The following CACNA1I variants were observed in gnomAD, a reference collection of about 807,000 sequenced individuals.
CACNA1I encodes voltage-dependent T-type calcium channel subunit alpha-1I.
In CACNA1I, 74 loss-of-function variants were observed where a neutral mutation model predicts 201.6. That is an observed-to-expected ratio of 0.37 (90% confidence interval 0.30 to 0.45). The LOEUF (loss-of-function observed/expected upper bound fraction) is 0.45, where lower values mean the gene tolerates loss of function less well. Among genes scored for constraint, CACNA1I ranks in the 20% least tolerant of loss-of-function variants. The pLI is 1.00. For missense variants in CACNA1I, 2,346 were observed against 3,138.1 expected (o/e 0.75, Z 6.03); for synonymous variants, 1,431 against 1,345.2 (o/e 1.06, Z -1.40).
chr22:39,674,572 G>A lies in CACNA1I; in HGVS notation c.4854+539G>A, dbSNP rs114462987. On this transcript the variant is annotated intron_variant, in intron 29 of 36. Transcript: ENST00000402142. Reference sequence around the variant, plus strand: ...AGAAGTTAGGGAAGTTGCTCTACCCGCACCCTGCGGTTAGTGAAAGGGGAG... The same window carrying A: ...AGAAGTTAGGGAAGTTGCTCTACCCACACCCTGCGGTTAGTGAAAGGGGAG... Among the ~76,000 whole-genome samples the A allele has an allele frequency of 4.0e-3, 606 of 152,270 alleles. 7 individuals are homozygous for A. The highest frequency in any genetic ancestry group is 0.014 in the African/African-American group (581 of 41,532).
intron 4 of CACNA1I, among the ~76,000 whole-genome samples, chr22:39,626,030 G>C (rs1042769541): frequency 1.3e-5 from 2 of 152,186 alleles, no homozygotes; most frequent in African/African-American, 4.8e-5. Context: ...AGACCCTGGG[G>C]AGCTCAGGGG....
intron 11 of CACNA1I, 99 bp from the exon 12 acceptor site, chr22:39,658,832 C>G: frequency 9.9e-7 from 1 of 1,010,954 alleles, no homozygotes; most frequent in African/African-American, 1.6e-5. Flanking sequence ...AATGGAAGCT[C>G]TGTCTCTCTG....
chr22:39,661,724 G>A (rs1464706738), intron 16 of CACNA1I, among the ~76,000 whole-genome samples: 26 of 152,240 alleles, frequency 1.7e-4, no homozygotes, highest in Admixed American at 1.6e-3. Context: ...CCTTCCTCAA[G>A]GGAAGTGAGG....
At chr22:39,585,835 G>C (rs1010714414) in intron 1 of CACNA1I, among the ~76,000 whole-genome samples, 1 of 150,806 alleles carries the variant, frequency 6.6e-6, no homozygotes, top group African/African-American at 2.4e-5. Context: ...AGTAGCTGGG[G>C]CTATAGTGCA....
At position 39,640,930 on chromosome 22, in the gene CACNA1I, C is replaced by T; in HGVS notation, c.804C>T (p.Ile268=). 6.2e-7 allele frequency: 1 copy of T among 1,613,988 alleles called. No individual in the cohort carries two copies. Among genetic ancestry groups the T allele is most frequent in the Non-Finnish European group, 8.5e-7 (1 of 1,179,892 alleles). ...AGGAGGATGATGAGATGCCCTTCAT[C>T]TGCTCCCTGTCGGGCGACAATGGGA... The part of the protein sequence containing the change: ...QPEEDDEMPF[I]CSLSGDNGIM... The change falls in exon 6 of 37, where the codon ATC becomes ATT. Residue 268 remains isoleucine, a synonymous_variant. Transcript: ENST00000402142.
At chr22:39,673,515 C>T (rs1346422526) in intron 28 of CACNA1I, among the ~76,000 whole-genome samples, 2 of 152,210 alleles carry the variant, frequency 1.3e-5, no homozygotes, top group African/African-American at 4.8e-5. Context: ...GTAGTTCGTA[C>T]ACTTCTTTTA....
At chr22:39,643,671 C>T (rs990275131) in intron 7 of CACNA1I, among the ~76,000 whole-genome samples, 2 of 152,218 alleles carry the variant, frequency 1.3e-5, no homozygotes, top group Non-Finnish European at 1.5e-5. Context: ...AGGACCTTGA[C>T]CTGGGGCCCC....
At chr22:39,674,161 A>T (rs767554151) in intron 29 of CACNA1I, 128 bp downstream of exon 29, 26 of 849,928 alleles carry the variant, frequency 3.1e-5, no homozygotes, top group Non-Finnish European at 4.4e-5. Flanking sequence ...GTCTCTGGGG[A>T]TGCATTTTGA....
At chr22:39,662,994 C>T (rs136854) in intron 18 of CACNA1I, 118 bp downstream of exon 18, 163,075 of 703,672 alleles carry the variant, frequency 0.23, 21,786 homozygotes, top group African/African-American at 0.42. Context: ...CGGACCCTCC[C>T]GGCCCAGAGG....
In CACNA1I at chr22:39,682,665, A is replaced by G; in HGVS notation, c.5830+4A>G. On this transcript the variant is annotated splice_donor_region_variant and intron_variant, in intron 35 of 36. Coordinates refer to ENST00000402142, the MANE Select transcript of CACNA1I (RefSeq NM_021096.4). ...CTGAAACATGACAGCAGTCAAGGTG[A>G]GGGGTGGGAGCCCTGCCAGCTCCCC... 6.2e-7 allele frequency: 1 copy of G among 1,610,318 alleles called. No individual in the cohort carries two copies. The highest frequency in any genetic ancestry group is 8.5e-7 in the Non-Finnish European group (1 of 1,177,834).
At chr22:39,601,197 C>A (rs978305426) in intron 3 of CACNA1I, among the ~76,000 whole-genome samples, 1 of 152,236 alleles carries the variant, frequency 6.6e-6, no homozygotes, top group Non-Finnish European at 1.5e-5. Context: ...CCCATCCATG[C>A]ATTCATCCAT....
chr22:39,666,287 C>A lies in CACNA1I; in HGVS notation c.4104+281C>A, dbSNP rs933198347. ...GGCTCCCACCCCCGACCCAGGGACCCCTGACAGGAGTTTTAGAATCAAGCA... is the reference window on the plus strand; with the variant it reads ...GGCTCCCACCCCCGACCCAGGGACCACTGACAGGAGTTTTAGAATCAAGCA... On this transcript the variant is annotated intron_variant, in intron 23 of 36. Transcript: ENST00000402142. The surrounding 1 kb of genome is among the most constrained non-coding windows in gnomAD (Gnocchi z 4.1). 9.2e-5 allele frequency among the ~76,000 whole-genome samples: 14 copies of A among 151,994 alleles called. No homozygotes were observed. The highest frequency in any genetic ancestry group is 3.4e-4 in the African/African-American group (14 of 41,432).
intron 4 of CACNA1I, among the ~76,000 whole-genome samples, chr22:39,625,789 C>G (rs1248485845): frequency 6.6e-6 from 1 of 152,174 alleles, no homozygotes; most frequent in Non-Finnish European, 1.5e-5. Flanking sequence ...CCGCCTCTCT[C>G]TGGGCCTTGG....
intron 7 of CACNA1I, among the ~76,000 whole-genome samples, chr22:39,643,806 T>C (rs550935359): frequency 6.6e-6 from 1 of 152,322 alleles, no homozygotes; most frequent in East Asian, 1.9e-4. Flanking sequence ...CAGATTTTAT[T>C]CAGCATTGCC....
In CACNA1I at chr22:39,623,306, AC is replaced by A. The variant is rs1333864691; in HGVS notation, c.580+3900del. Among the ~76,000 whole-genome samples, 17 of 151,436 alleles carry A rather than the reference AC, an allele frequency of 1.1e-4. No homozygotes were observed. The South Asian group carries it at 3.3e-3, about 30-fold the overall frequency. On this transcript the variant is annotated intron_variant, in intron 4 of 36. Coordinates refer to ENST00000402142, the MANE Select transcript of CACNA1I (RefSeq NM_021096.4). ...GTATGTGCCTGTGAGGTGCGTGTGCACATGTAAGTACATGGGAGAGTGTGTG... is the reference window on the plus strand; with the variant it reads ...GTATGTGCCTGTGAGGTGCGTGTGCAATGTAAGTACATGGGAGAGTGTGTG...
In CACNA1I at chr22:39,601,628, G is replaced by A. The variant is rs866739883; in HGVS notation, c.482+975G>A. Among the ~76,000 whole-genome samples the A allele has an allele frequency of 7.0e-4, 107 of 152,088 alleles. 2 individuals are homozygous for A. The highest frequency in any genetic ancestry group is 3.4e-3 in the Middle Eastern group (1 of 294). ...TGTATGTGTGTATGTGTGTGACCTC[G>A]TGTGTAGAATGCTATTGAGGAGGTG... On this transcript the variant is annotated intron_variant, in intron 3 of 36. Transcript: ENST00000402142.
Position 39,598,181 on chromosome 22 carries a change from C to A in CACNA1I, c.267C>A (p.Ile89=). The change falls in exon 2 of 37, where the codon ATC becomes ATA. Residue 89 remains isoleucine (I), a synonymous_variant. Coordinates refer to ENST00000402142, the MANE Select transcript of CACNA1I (RefSeq NM_021096.4). ...PWFECVSMLV[I]LLNCVTLGMY... ...TTGAATGTGTCAGCATGCTGGTGAT[C>A]CTGCTGAACTGCGTGACACTTGGCA... is the stretch of plus-strand genomic sequence containing the variant. 1.2e-6 allele frequency: 2 copies of A among 1,606,562 alleles called. No homozygotes were observed.
chr22:39,601,778 A>T (rs977251399), intron 3 of CACNA1I, among the ~76,000 whole-genome samples: 12 of 150,608 alleles, frequency 8.0e-5, no homozygotes, highest in African/African-American at 2.9e-4. Context: ...CTAGGGTTTT[A>T]AAAAAGTTAC....
At chr22:39,620,350 G>T (rs1306312464) in intron 4 of CACNA1I, among the ~76,000 whole-genome samples, 1 of 144,316 alleles carries the variant, frequency 6.9e-6, no homozygotes, top group Non-Finnish European at 1.5e-5. Context: ...TGTATAGTCA[G>T]CCAGACATCC....
Sources: allele counts gnomAD v4.1 joint callset (sites outside exome capture counted in the v4.1 genomes callset), GRCh38; gene constraint gnomAD v4.1.1; non-coding constraint Gnocchi (gnomAD v3.1); transcripts MANE v1.5; gene names NCBI Gene and HGNC (gene_info 2026-07-23, HGNC 2026-07-21).